Variants in MAPKAP1 observed in about 807,000 individuals in gnomAD.
The protein encoded by MAPKAP1 is MAPK associated protein 1, also known as target of rapamycin complex 2 subunit MAPKAP1.
A neutral mutation model predicts 65.7 loss-of-function variants in MAPKAP1; 20 were observed. The ratio of observed to expected loss-of-function variants is 0.30; its 90% CI spans 0.21 to 0.44. The LOEUF (loss-of-function observed/expected upper bound fraction) is 0.44. Ranked by LOEUF, MAPKAP1 falls within the 20% of genes least tolerant of loss-of-function variation. MAPKAP1 has a pLI of 1.00. For missense variants in MAPKAP1, 423 were observed against 648.0 expected, an observed-to-expected ratio of 0.65 and a Z score of 3.77; for synonymous variants, 222 against 244.3, an observed-to-expected ratio of 0.91 and a Z score of 0.85.
chr9:125,581,884 GT>G (rs999051384), intron 5 of MAPKAP1, among the ~76,000 whole-genome samples: 2 of 151,152 alleles, frequency 1.3e-5, no homozygotes, highest in Admixed American at 1.3e-4. Context: ...ATTTGCATGT[GT>G]TTTTAACATC....
At chr9:125,459,064 G>A (rs1251995641) in intron 10 of MAPKAP1, among the ~76,000 whole-genome samples, 84 of 136,302 alleles carry the variant, frequency 6.2e-4, no homozygotes, top group Non-Finnish European at 1.1e-3. Context: ...CAGACGGGGC[G>A]GTTGCCAGGC....
At chr9:125,484,615 G>A in intron 8 of MAPKAP1, 32 bp from the exon 9 acceptor site, 1 of 1,579,722 alleles carries the variant, frequency 6.3e-7, no homozygotes, top group East Asian at 2.3e-5. Flanking sequence ...AACACATAAA[G>A]ATACATGAGG....
intron 4 of MAPKAP1, among the ~76,000 whole-genome samples, chr9:125,605,592 G>A (rs549436889): frequency 1.3e-5 from 2 of 152,286 alleles, no homozygotes; most frequent in East Asian, 1.9e-4. Context: ...GGTACCGCAC[G>A]GCCGCATCTC....
At chr9:125,639,755 G>A (rs537823649) in intron 4 of MAPKAP1, among the ~76,000 whole-genome samples, 3 of 152,270 alleles carry the variant, frequency 2.0e-5, no homozygotes, top group African/African-American at 7.2e-5. Flanking sequence ...TTTTCCAGGA[G>A]AAAGAAGTTT....
At chr9:125,640,766 AGAACCCT>A (rs1170692204) in intron 4 of MAPKAP1, among the ~76,000 whole-genome samples, 2 of 152,248 alleles carry the variant, frequency 1.3e-5, no homozygotes, top group Non-Finnish European at 2.9e-5. Flanking sequence ...GGTAAGTAAC[AGAACCCT>A]GGTCTCTGAG....
At chr9:125,704,625 T>C (rs1835704345) in intron 1 of MAPKAP1, among the ~76,000 whole-genome samples, 2 of 152,306 alleles carry the variant, frequency 1.3e-5, no homozygotes, top group East Asian at 1.9e-4. Context: ...GGAAAAGTTA[T>C]TAGCAGAAAC....
At chr9:125,495,991 T>C (rs13284572) in intron 8 of MAPKAP1, among the ~76,000 whole-genome samples, 41,039 of 152,196 alleles carry the variant, frequency 0.27, 6,694 homozygotes, top group Non-Finnish European at 0.37. Flanking sequence ...GCTTGTATAG[T>C]GCACTGCAGT....
At chr9:125,659,471 G>A (rs1834124198) in intron 3 of MAPKAP1, among the ~76,000 whole-genome samples, 1 of 152,054 alleles carries the variant, frequency 6.6e-6, no homozygotes, top group South Asian at 2.1e-4. Context: ...GAGGCTTGGA[G>A]AATAGAAACA....
intron 7 of MAPKAP1, among the ~76,000 whole-genome samples, chr9:125,528,776 G>A (rs1424618623): frequency 6.7e-6 from 1 of 149,566 alleles, no homozygotes; most frequent in Non-Finnish European, 1.5e-5. Flanking sequence ...GAACTCGGGA[G>A]GCGGAGGTTG....
chr9:125,548,067 A>T (rs1308546773), intron 6 of MAPKAP1, among the ~76,000 whole-genome samples: 4 of 152,202 alleles, frequency 2.6e-5, no homozygotes, highest in East Asian at 1.9e-4. Context: ...TAAGCTTTTT[A>T]AAAAATATCT....
At chr9:125,679,041 G>A (rs1356087169) in intron 1 of MAPKAP1, among the ~76,000 whole-genome samples, 1 of 149,352 alleles carries the variant, frequency 6.7e-6, no homozygotes, top group African/African-American at 2.5e-5. Flanking sequence ...TCGCACTGTC[G>A]TCCAGGCTGG....
intron 4 of MAPKAP1, among the ~76,000 whole-genome samples, chr9:125,615,028 T>C (rs998478342): frequency 6.6e-6 from 1 of 152,170 alleles, no homozygotes; most frequent in African/African-American, 2.4e-5. Flanking sequence ...TATAAGTTAA[T>C]GGAAGTTATA....
chr9:125,471,414 G>A (rs866734357), intron 9 of MAPKAP1: 32 of 153,136 alleles, frequency 2.1e-4, no homozygotes, highest in Admixed American at 5.2e-4. Context: ...GGACAGTCGC[G>A]GCTGGGGTGC....
At chr9:125,632,366 A>G (rs1019653242) in intron 4 of MAPKAP1, among the ~76,000 whole-genome samples, 2 of 152,204 alleles carry the variant, frequency 1.3e-5, no homozygotes, top group Non-Finnish European at 2.9e-5. Flanking sequence ...TTGTATCCTC[A>G]GCATTAGTCA....
At chr9:125,681,202 T>C (rs532531940) in intron 1 of MAPKAP1, among the ~76,000 whole-genome samples, 32 of 152,362 alleles carry the variant, frequency 2.1e-4, no homozygotes, top group African/African-American at 7.2e-4. Context: ...TTCCTCATCC[T>C]TGAATCTGGA....
At chr9:125,557,699 C>T (rs1193391303) in intron 6 of MAPKAP1, among the ~76,000 whole-genome samples, 1 of 149,636 alleles carries the variant, frequency 6.7e-6, no homozygotes, top group Non-Finnish European at 1.5e-5. Flanking sequence ...GCTTCCACTA[C>T]AACCCATACA....
At chr9:125,503,464 T>C (rs1207217262) in intron 8 of MAPKAP1, among the ~76,000 whole-genome samples, 1 of 152,230 alleles carries the variant, frequency 6.6e-6, no homozygotes. Flanking sequence ...TTCTATCTTG[T>C]GCTCTTTGAT....
chr9:125,574,305 A>G (rs917756849), intron 5 of MAPKAP1, among the ~76,000 whole-genome samples: 1 of 152,246 alleles, frequency 6.6e-6, no homozygotes, highest in Non-Finnish European at 1.5e-5. Context: ...AGAATGAGAA[A>G]AGCATTTCTG....
intron 4 of MAPKAP1, among the ~76,000 whole-genome samples, chr9:125,638,850 G>GGTTATCATCTCTCCTCAC (rs1833496396): frequency 6.6e-6 from 1 of 152,194 alleles, no homozygotes; most frequent in Admixed American, 6.5e-5. Flanking sequence ...AGGGCAAAAG[G>GGTTATCATCTCTCCTCAC]AACGATCACC....
Sources: allele counts gnomAD v4.1 joint callset (sites outside exome capture counted in the v4.1 genomes callset), GRCh38; gene constraint gnomAD v4.1.1; transcripts MANE v1.5; gene names NCBI Gene and HGNC (gene_info 2026-07-23, HGNC 2026-07-21).